Variants in BCL2 observed in about 807,000 individuals in gnomAD.
BCL2 encodes the protein apoptosis regulator Bcl-2.
In BCL2, 1 loss-of-function variant was observed where a neutral mutation model predicts 14.2. The observed-to-expected ratio is 0.07, with a 90% CI of 0.02 to 0.33. The LOEUF (loss-of-function observed/expected upper bound fraction) is 0.33, where lower values mean the gene tolerates loss of function less well. Among genes scored for constraint, BCL2 ranks in the 10% least tolerant of loss-of-function variants. The pLI, the probability that BCL2 is intolerant of heterozygous loss-of-function variation, is 0.99. For missense variants in BCL2, 247 were observed against 305.9 expected (o/e 0.81, Z 1.44); for synonymous variants, 151 against 137.2 (o/e 1.10, Z -0.70).
intron 2 of BCL2, among the ~76,000 whole-genome samples, chr18:63,247,838 G>A (rs556748044): frequency 3.6e-4 from 55 of 152,222 alleles, no homozygotes; most frequent in Admixed American, 2.1e-3. Flanking sequence ...CCAAGATGTC[G>A]TAAGAAAACT....
intron 2 of BCL2, among the ~76,000 whole-genome samples, chr18:63,292,554 G>A (rs1017630922): frequency 2.0e-5 from 3 of 152,306 alleles, no homozygotes; most frequent in South Asian, 2.1e-4. Context: ...GGGGGCTTGC[G>A]CACAGAAGGA....
At chr18:63,283,702 A>G (rs558695830) in intron 2 of BCL2, among the ~76,000 whole-genome samples, 1 of 152,256 alleles carries the variant, frequency 6.6e-6, no homozygotes, top group African/African-American at 2.4e-5. Flanking sequence ...AACTTTCCCT[A>G]TGTGGTGAAA....
chr18:63,317,667 A>G (rs916782385), intron 2 of BCL2: 2 of 1,035,636 alleles, frequency 1.9e-6, no homozygotes, highest in South Asian at 9.0e-5. Flanking sequence ...TGGGATGCAG[A>G]CTGTCAAGAC....
At chr18:63,246,616 A>G (rs948462175) in intron 2 of BCL2, among the ~76,000 whole-genome samples, 2 of 152,148 alleles carry the variant, frequency 1.3e-5, no homozygotes, top group African/African-American at 4.8e-5. Flanking sequence ...ACATGTGGGA[A>G]TTGTGGGAGC....
chr18:63,124,844 C>A lies in BCL2; in HGVS notation c.*3781G>T, dbSNP rs4987863. On this transcript the variant is annotated 3_prime_UTR_variant, in exon 3 of 3. Transcript: ENST00000333681. ...TCCTTAGAATGGCTTGTATTTCGAG[C>A]CTTTCCTGTTTTTCTCTGATAGAGT... The A allele has an allele frequency of 1.2e-4, 28 of 228,066 alleles. No individual in the cohort carries two copies. Among genetic ancestry groups the A allele is most frequent in the African/African-American group, 5.5e-4 (25 of 45,154 alleles). The allele number at this position is 228,066 out of a possible 1,614,324, so 14.1% of individuals were successfully genotyped here.
chr18:63,234,111 A>G (rs1910757981), intron 2 of BCL2, among the ~76,000 whole-genome samples: 1 of 151,848 alleles, frequency 6.6e-6, no homozygotes, highest in African/African-American at 2.4e-5. Context: ...AAGCACTGGG[A>G]TACATTTGTA....
At chr18:63,220,750 C>G (rs1388141010) in intron 2 of BCL2, among the ~76,000 whole-genome samples, 1 of 151,696 alleles carries the variant, frequency 6.6e-6, no homozygotes, top group Non-Finnish European at 1.5e-5. Flanking sequence ...GGTGAAAAAC[C>G]CTCTAAGAGC....
intron 2 of BCL2, among the ~76,000 whole-genome samples, chr18:63,243,290 C>T (rs1419747068): frequency 6.6e-6 from 1 of 152,156 alleles, no homozygotes; most frequent in Non-Finnish European, 1.5e-5. Context: ...CATGTTCTTA[C>T]TTATTAGTGG....
chr18:63,282,530 T>C (rs1912347197), intron 2 of BCL2, among the ~76,000 whole-genome samples: 1 of 152,178 alleles, frequency 6.6e-6, no homozygotes, highest in South Asian at 2.1e-4. Flanking sequence ...TAAATGGCAG[T>C]TTGATTTGTA....
chr18:63,287,939 G>A (rs990956848), intron 2 of BCL2, among the ~76,000 whole-genome samples: 1 of 152,088 alleles, frequency 6.6e-6, no homozygotes, highest in Non-Finnish European at 1.5e-5. Context: ...AAACCAAGTT[G>A]AAAATGATTT....
intron 2 of BCL2, among the ~76,000 whole-genome samples, chr18:63,208,515 C>T (rs1422241014): frequency 1.3e-5 from 2 of 152,038 alleles, no homozygotes; most frequent in Non-Finnish European, 2.9e-5. Flanking sequence ...AAAGGAAATA[C>T]CAGGCAGAGG....
At position 63,155,997 on chromosome 18, in the gene BCL2, T is replaced by C. The variant is rs558655801; in HGVS notation, c.586-27238A>G. ...TGGTGTTCTTGGGACTCTTGTTCTT[T>C]TTCTTGCTTGAGGGCATTTCTCAAG... On this transcript the variant is annotated intron_variant, in intron 2 of 2. Coordinates refer to ENST00000333681, the MANE Select transcript of BCL2 (RefSeq NM_000633.3). Among the ~76,000 whole-genome samples the C allele has an allele frequency of 5.9e-5, 9 of 151,770 alleles. No individual in the cohort carries two copies. In the East Asian group the frequency reaches 1.7e-3, roughly 29 times the overall value.
At chr18:63,225,627 C>T (rs1910522412) in intron 2 of BCL2, among the ~76,000 whole-genome samples, 1 of 152,212 alleles carries the variant, frequency 6.6e-6, no homozygotes, top group South Asian at 2.1e-4. Flanking sequence ...TGGGTGGGAA[C>T]TGGAGTGCAT....
intron 2 of BCL2, chr18:63,151,214 G>C (rs1248044135): frequency 6.6e-6 from 1 of 152,064 alleles, no homozygotes; most frequent in East Asian, 1.9e-4. Flanking sequence ...GTGACCCTAA[G>C]CTACTTTTTT....
intron 2 of BCL2, among the ~76,000 whole-genome samples, chr18:63,141,226 C>T (rs578207038): frequency 2.0e-5 from 3 of 152,330 alleles, no homozygotes; most frequent in South Asian, 2.1e-4. Context: ...CACCCTTTCT[C>T]GTGCATCCTT....
At chr18:63,190,714 T>G (rs1424031032) in intron 2 of BCL2, among the ~76,000 whole-genome samples, 1 of 152,032 alleles carries the variant, frequency 6.6e-6, no homozygotes, top group African/African-American at 2.4e-5. Context: ...AATTTTACTT[T>G]AAGTTCTGGG....
intron 2 of BCL2, among the ~76,000 whole-genome samples, chr18:63,211,652 A>G (rs142537498): frequency 6.6e-6 from 1 of 152,318 alleles, no homozygotes; most frequent in African/African-American, 2.4e-5. Flanking sequence ...AGACACATAC[A>G]GTGAAATAAA....
At chr18:63,242,119 G>GA (rs1001376508) in intron 2 of BCL2, among the ~76,000 whole-genome samples, 8 of 60,800 alleles carry the variant, frequency 1.3e-4, no homozygotes, top group African/African-American at 2.7e-4. Context: ...TTCTAAGAAG[G>GA]AAAAAAAAAT....
At chr18:63,250,537 C>A (rs1911280256) in intron 2 of BCL2, among the ~76,000 whole-genome samples, 1 of 152,164 alleles carries the variant, frequency 6.6e-6, no homozygotes, top group African/African-American at 2.4e-5. Flanking sequence ...ATTGTATACA[C>A]AAAAGCATAT....
Sources: gnomAD v4.1 joint callset for allele counts (sites outside exome capture counted in the v4.1 genomes callset) on GRCh38, gnomAD v4.1.1 for gene constraint, MANE v1.5 for transcripts, NCBI Gene and HGNC (gene_info 2026-07-23, HGNC 2026-07-21) for gene names.